The following DSG3 variants were observed in gnomAD, a reference collection of about 807,000 sequenced individuals.
The protein encoded by DSG3 is desmoglein 3, also known as desmoglein-3.
A neutral mutation model predicts 85.9 loss-of-function variants in DSG3; 63 were observed. The observed-to-expected ratio is 0.73, with a 90% CI of 0.60 to 0.90. The LOEUF (loss-of-function observed/expected upper bound fraction) is 0.90. Ranked by LOEUF, DSG3 falls within the 40% of genes least tolerant of loss-of-function variation. The probability of loss-of-function intolerance (pLI) is 0.00; values close to 1 mark genes in which losing one functional copy is unlikely to be tolerated. For synonymous variants in DSG3, 447 were observed against 441.9 expected, an observed-to-expected ratio of 1.01 and a Z score of -0.14; for missense variants, 1,220 against 1,219.9, an observed-to-expected ratio of 1.00 and a Z score of 0.00.
At chr18:31,475,540 A>G (rs1316511523) in intron 15 of DSG3, 106 bp from the exon 16 acceptor site, 1 of 1,316,784 alleles carries the variant, frequency 7.6e-7, no homozygotes, top group Non-Finnish European at 1.0e-6. Context: ...TCTATGGATT[A>G]CCTAGTTTGG....
Position 31,476,278 on chromosome 18 carries a change from A to C in DSG3, c.*18A>C. ...TAATATGACCAGAATGAGCTGGAATACCACACTGACCAAATCTGGATCTTT... is the reference window on the plus strand; with the variant it reads ...TAATATGACCAGAATGAGCTGGAATCCCACACTGACCAAATCTGGATCTTT... On this transcript the variant is annotated 3_prime_UTR_variant, in exon 16 of 16. Transcript: ENST00000257189. 1 of 1,582,998 alleles carries C rather than the reference A, an allele frequency of 6.3e-7. No individual in the cohort carries two copies.
chr18:31,472,413 C>T lies in DSG3; in HGVS notation c.2027C>T (p.Pro676Leu). 6.2e-7 allele frequency: 1 copy of T among 1,612,804 alleles called. No individual in the cohort carries two copies. Among genetic ancestry groups the T allele is most frequent in the South Asian group, 1.1e-5 (1 of 90,546 alleles). ...CAGTGGGGAATTGAAGGAGCCCATC[C>T]TGAAGACAAGGTAAGCATCCAGTTC... ...IHQWGIEGAH[P>L]EDKEITNICV... Residue 676 changes from proline (P) to leucine (L), a missense_variant, in exon 13 of 16, where the codon CCT becomes CTT. Pro to Leu is a moderately conservative substitution (Grantham distance 98). Coordinates refer to ENST00000257189, the MANE Select transcript of DSG3 (RefSeq NM_001944.3).
At chr18:31,472,198 T>G (rs972877489) in intron 12 of DSG3, 86 bp from the exon 13 acceptor site, 168 of 1,585,274 alleles carry the variant, frequency 1.1e-4, no homozygotes, top group Non-Finnish European at 1.4e-4. Flanking sequence ...TACTGTATTT[T>G]CTTTGTAACA....
chr18:31,450,654 A>G (rs1159420418), intron 1 of DSG3, among the ~76,000 whole-genome samples: 1 of 152,188 alleles, frequency 6.6e-6, no homozygotes, highest in African/African-American at 2.4e-5. Context: ...TAGCAAAGTC[A>G]TAGACTTAAA....
Position 31,477,251 on chromosome 18 carries a change from T to C in DSG3, c.*991T>C, listed in dbSNP as rs1228870059. ...GTGTGTTTTAATCCCTTTGAAGGGA[T>C]CTATCCAAAGAAAATATTTTACACT... On this transcript the variant is annotated 3_prime_UTR_variant, in exon 16 of 16. Coordinates refer to ENST00000257189, the MANE Select transcript of DSG3 (RefSeq NM_001944.3). 6.6e-6 allele frequency: 1 copy of C among 152,226 alleles called. No individual in the cohort carries two copies. Among genetic ancestry groups the C allele is most frequent in the Non-Finnish European group, 1.5e-5 (1 of 68,050 alleles). 9.4% of individuals were successfully genotyped at this position (152,226 alleles called of 1,614,324 possible).
At chr18:31,463,495 T>TG (rs1236023212) in intron 8 of DSG3, among the ~76,000 whole-genome samples, 1 of 152,178 alleles carries the variant, frequency 6.6e-6, no homozygotes, top group Non-Finnish European at 1.5e-5. Context: ...GGCCTTGATT[T>TG]GGGCCACCTC....
rs1375752641 is a variant in DSG3, at chr18:31,461,280, A to C, written c.867A>C (p.Gln289His). The C allele has an allele frequency of 1.2e-6, 2 of 1,613,604 alleles. No homozygotes were observed. The highest frequency in any genetic ancestry group is 2.7e-5 in the African/African-American group (2 of 74,906). The part of the protein sequence containing the change: ...NILSSELLRF[Q>H]VTDLDEEYTD... ...TAAGTTCTGAATTACTTCGATTTCA[A>C]GTAACAGATTTGGATGAAGAGTACA... Residue 289 changes from glutamine (Q) to histidine (H), a missense_variant, in exon 8 of 16, where the codon CAA becomes CAC. Gln to His is a conservative substitution (Grantham distance 24). Coordinates refer to ENST00000257189, the MANE Select transcript of DSG3 (RefSeq NM_001944.3).
intron 8 of DSG3, among the ~76,000 whole-genome samples, chr18:31,463,195 G>C (rs926158937): frequency 6.6e-6 from 1 of 152,168 alleles, no homozygotes; most frequent in African/African-American, 2.4e-5. Flanking sequence ...ACCCTTCATA[G>C]CTCTCCTAAG....
chr18:31,448,131 A>G (rs1394831408), intron 1 of DSG3, among the ~76,000 whole-genome samples: 2 of 152,268 alleles, frequency 1.3e-5, no homozygotes, highest in Non-Finnish European at 2.9e-5. Context: ...TAAACCAGAA[A>G]GAAATGAGTT....
chr18:31,463,587 A>G (rs2072798941), intron 8 of DSG3, among the ~76,000 whole-genome samples: 1 of 152,156 alleles, frequency 6.6e-6, no homozygotes, highest in Non-Finnish European at 1.5e-5. Context: ...CCACCTAAGA[A>G]TTTTTAAAGT....
chr18:31,465,125 CA>C (rs60929557), intron 9 of DSG3, among the ~76,000 whole-genome samples, 192 bp from the exon 10 acceptor site: 578 of 115,682 alleles, frequency 5.0e-3, no homozygotes, highest in Non-Finnish European at 5.9e-3. Flanking sequence ...AACTCCGTCT[CA>C]AAAAAAAAAA....
chr18:31,457,592 CTTTCTTTCTTTCTTTCTTTCT>C (rs2072755726), intron 3 of DSG3, among the ~76,000 whole-genome samples: 1 of 48,206 alleles, frequency 2.1e-5, no homozygotes, highest in Non-Finnish European at 4.2e-5. Flanking sequence ...TTTCTTCTTT[CTTTCTTTCTTTCTTTCTTTCT>C]TTCTTTCTTT....
In DSG3 at chr18:31,472,354, C is replaced by A. The variant is rs2072860847; in HGVS notation, c.1968C>A (p.Ile656=). ...CTGGGGGAGTGACAGGTGGTTTTAT[C>A]CCAGTTCCTGATGGCTCAGAAGGAA... ...GSTGGVTGGF[I]PVPDGSEGTI... is the part of the protein sequence containing the mutation. Residue 656 remains isoleucine (I), a synonymous_variant, in exon 13 of 16, where the codon ATC becomes ATA. Coordinates refer to ENST00000257189, the MANE Select transcript of DSG3 (RefSeq NM_001944.3). The A allele has an allele frequency of 6.2e-7, 1 of 1,614,142 alleles. No individual in the cohort carries two copies. Among genetic ancestry groups the A allele is most frequent in the East Asian group, 2.2e-5 (1 of 44,878 alleles).
chr18:31,457,081 G>A lies in DSG3; in HGVS notation c.173G>A (p.Cys58Tyr). 1 of 1,613,050 alleles carries A rather than the reference G, an allele frequency of 6.2e-7. No individual in the cohort carries two copies. Among genetic ancestry groups the A allele is most frequent in the Non-Finnish European group, 8.5e-7 (1 of 1,179,508 alleles). Residue 58 changes from cysteine to tyrosine, a missense_variant, in exon 3 of 16, where the codon TGC (cysteine) becomes TAC (tyrosine). Transcript: ENST00000257189. ...GAATGGGTGAAATTTGCCAAACCCT[G>A]CAGAGAAGGAGAAGATAACTCAAAA... ...KREWVKFAKPCREGEDNSKRN... is the reference protein window; with the variant it reads ...KREWVKFAKPYREGEDNSKRN...
intron 1 of DSG3, among the ~76,000 whole-genome samples, chr18:31,454,854 T>G (rs1415932536): frequency 6.6e-6 from 1 of 151,390 alleles, no homozygotes; most frequent in Admixed American, 6.6e-5. Flanking sequence ...ATTAGCCGGG[T>G]GTGGTGGTGT....
At chr18:31,474,708 T>C (rs1295860763) in intron 15 of DSG3, among the ~76,000 whole-genome samples, 1 of 152,078 alleles carries the variant, frequency 6.6e-6, no homozygotes, top group Admixed American at 6.6e-5. Flanking sequence ...TGAGCTATGA[T>C]GGCACCACTG....
intron 12 of DSG3, among the ~76,000 whole-genome samples, chr18:31,469,902 C>T (rs915803232): frequency 3.3e-5 from 5 of 151,954 alleles, no homozygotes; most frequent in East Asian, 1.9e-4. Flanking sequence ...TAGCTAGGTT[C>T]TGAGAAGTTA....
intron 10 of DSG3, 40 bp downstream of exon 10, chr18:31,465,497 G>A (rs564034428): frequency 4.5e-5 from 62 of 1,365,362 alleles, no homozygotes; most frequent in South Asian, 4.5e-4. Context: ...GAATGTTATC[G>A]TAATTGATGT....
intron 10 of DSG3, 107 bp downstream of exon 10, chr18:31,465,564 A>C: frequency 9.2e-7 from 1 of 1,083,598 alleles, no homozygotes; most frequent in Admixed American, 3.8e-5. Context: ...CACTGGAGAG[A>C]GAGAATTATC....
Sources: gnomAD v4.1 joint callset for allele counts (sites outside exome capture counted in the v4.1 genomes callset) on GRCh38, gnomAD v4.1.1 for gene constraint, MANE v1.5 for transcripts, NCBI Gene and HGNC (gene_info 2026-07-23, HGNC 2026-07-21) for gene names.